LRP2: variants seen among roughly 807,000 people sequenced by gnomAD.
LRP2 encodes the protein LDL receptor related protein 2, also known as low-density lipoprotein receptor-related protein 2.
Under a neutral mutation model 531.0 loss-of-function variants are expected in LRP2, and 172 were observed. The observed-to-expected ratio is 0.32, with a 90% CI of 0.29 to 0.37. The LOEUF (loss-of-function observed/expected upper bound fraction) is 0.37. Among genes scored for constraint, LRP2 ranks in the 10% least tolerant of loss-of-function variants. LRP2 has a pLI of 1.00. For missense variants in LRP2, 5,167 were observed against 5,868.3 expected (o/e 0.88, Z 3.90); for synonymous variants, 1,992 against 2,027.6 (o/e 0.98, Z 0.47).
At chr2:169,180,165 C>A (rs1317006954) in intron 52 of LRP2, among the ~76,000 whole-genome samples, 1 of 152,152 alleles carries the variant, frequency 6.6e-6, no homozygotes, top group Non-Finnish European at 1.5e-5. Flanking sequence ...ACCCAAAGAA[C>A]AACAAATGTC....
chr2:169,246,487 T>A (rs569851712), intron 21 of LRP2, among the ~76,000 whole-genome samples: 5 of 152,162 alleles, frequency 3.3e-5, no homozygotes, highest in Non-Finnish European at 5.9e-5. Context: ...GGAAAAAAAT[T>A]GTTGAAGATA....
intron 3 of LRP2, among the ~76,000 whole-genome samples, chr2:169,313,348 A>G (rs1574247554): frequency 6.6e-6 from 1 of 151,792 alleles, no homozygotes; most frequent in South Asian, 2.1e-4. Context: ...GATTTTATCT[A>G]CCTTTGGTCT....
intron 76 of LRP2, among the ~76,000 whole-genome samples, chr2:169,136,619 T>TC (rs1471579804): frequency 4.5e-4 from 66 of 146,800 alleles, no homozygotes; most frequent in African/African-American, 1.3e-3. Flanking sequence ...GCTCAAAAAC[T>TC]CCCCCCCACT....
In LRP2 at chr2:169,282,948, G is replaced by A. The variant is rs865814749; in HGVS notation, c.1096C>T (p.Pro366Ser). 2.5e-6 allele frequency: 4 copies of A among 1,613,942 alleles called. No individual in the cohort carries two copies. Among genetic ancestry groups the A allele is most frequent in the Non-Finnish European group, 2.5e-6 (3 of 1,179,970 alleles). Residue 366 changes from proline (P) to serine (S), a missense_variant, in exon 10 of 79, where the codon CCT (proline) becomes TCT (serine). Coordinates refer to ENST00000649046, the MANE Select transcript of LRP2 (RefSeq NM_004525.3). ...TCACAGTGGCACAGGTGACGGCCAG[G>A]TCGGCTTTCACACTTCTGGTCACAA... ...GICDQKCESRPGRHLCHCEEG... is the reference protein window; with the variant it reads ...GICDQKCESRSGRHLCHCEEG...
At chr2:169,156,747 G>T (rs1686345984) in intron 64 of LRP2, among the ~76,000 whole-genome samples, 1 of 152,132 alleles carries the variant, frequency 6.6e-6, no homozygotes, top group Admixed American at 6.6e-5. Flanking sequence ...GTGTTGTATT[G>T]TTCGGTGTCT....
chr2:169,128,974 G>GA (rs1558966509), intron 78 of LRP2, 39 bp downstream of exon 78: 4 of 1,564,446 alleles, frequency 2.6e-6, no homozygotes, highest in Admixed American at 1.7e-5. Flanking sequence ...TAATTTCTAA[G>GA]AAAAAATGTC....
chr2:169,346,227 C>A (rs1403671115), intron 1 of LRP2, among the ~76,000 whole-genome samples: 1 of 152,202 alleles, frequency 6.6e-6, no homozygotes, highest in Admixed American at 6.5e-5. Flanking sequence ...CATGTTCTCT[C>A]GTCTGCACTG....
intron 1 of LRP2, among the ~76,000 whole-genome samples, chr2:169,361,794 T>C (rs1340742694): frequency 6.6e-6 from 1 of 152,122 alleles, no homozygotes; most frequent in Non-Finnish European, 1.5e-5. Flanking sequence ...AAATGATCTG[T>C]ATGGTGAGAG....
In LRP2 at chr2:169,156,278, A is replaced by T. The variant is rs1248982308; in HGVS notation, c.12147T>A (p.Ala4049=). ...CCCAACATGAACCCATCATACCCTC[A>T]GCTGCACATCGTTTTCCAGGGCGGT... ...MSDRPGKRCA[A]EGSSPLLLLP... is the part of the protein sequence containing the mutation. The change falls in exon 65 of 79, where the codon GCT becomes GCA. Residue 4049 remains alanine, a synonymous_variant. Coordinates refer to ENST00000649046, the MANE Select transcript of LRP2 (RefSeq NM_004525.3). The T allele has an allele frequency of 1.2e-5, 20 of 1,613,680 alleles. No individual in the cohort carries two copies. The highest frequency in any genetic ancestry group is 1.6e-5 in the Non-Finnish European group (19 of 1,179,644).
At chr2:169,357,768 A>C (rs1371703343) in intron 1 of LRP2, among the ~76,000 whole-genome samples, 2 of 152,210 alleles carry the variant, frequency 1.3e-5, no homozygotes, top group Non-Finnish European at 2.9e-5. Context: ...TTTAAATGAT[A>C]ATTTAAAATT....
At chr2:169,278,067 C>A in intron 12 of LRP2, 116 bp from the exon 13 acceptor site, 2 of 781,344 alleles carry the variant, frequency 2.6e-6, no homozygotes, top group Non-Finnish European at 2.1e-6. Flanking sequence ...TAGAGAACCA[C>A]AGTATAAAAC....
Position 169,228,584 on chromosome 2 carries a change from C to T in LRP2, c.5228-1996G>A, listed in dbSNP as rs371007259. 5.3e-5 allele frequency among the ~76,000 whole-genome samples: 8 copies of T among 152,136 alleles called. No homozygotes were observed. The South Asian group carries it at 1.7e-3, about 32-fold the overall frequency. ...GCCTAAAAACTTTGCATATCTCATC[C>T]ATTATGCATGGGCCTTCTTGACTCT... is the stretch of plus-strand genomic sequence containing the variant. On this transcript the variant is annotated intron_variant, in intron 31 of 78. Coordinates refer to ENST00000649046, the MANE Select transcript of LRP2 (RefSeq NM_004525.3).
rs542118462 is a variant in LRP2 at position 169,210,421 on chromosome 2, A to G, written c.6281-780T>C. 3.9e-5 allele frequency among the ~76,000 whole-genome samples: 6 copies of G among 152,396 alleles called. No individual in the cohort carries two copies. In the East Asian group the frequency reaches 1.2e-3, roughly 29 times the overall value. ...AAGCTGACATTATGTTCTTCCTAAT[A>G]AGATTCTGTATCAACTAACACAGCA... On this transcript the variant is annotated intron_variant, in intron 37 of 78. Coordinates refer to ENST00000649046, the MANE Select transcript of LRP2 (RefSeq NM_004525.3).
At chr2:169,348,233 C>A (rs1685747339) in intron 1 of LRP2, among the ~76,000 whole-genome samples, 1 of 152,204 alleles carries the variant, frequency 6.6e-6, no homozygotes, top group South Asian at 2.1e-4. Flanking sequence ...TTCCCAACTT[C>A]TCTACTCATC....
At chr2:169,350,683 C>T (rs534607840) in intron 1 of LRP2, among the ~76,000 whole-genome samples, 5 of 141,660 alleles carry the variant, frequency 3.5e-5, no homozygotes, top group African/African-American at 1.3e-4. Context: ...AAGATCACGC[C>T]TCTGCACTCC....
At chr2:169,325,735 T>C (rs1485483063) in intron 1 of LRP2, among the ~76,000 whole-genome samples, 2 of 152,144 alleles carry the variant, frequency 1.3e-5, no homozygotes, top group Non-Finnish European at 2.9e-5. Flanking sequence ...AGTCTCTTTC[T>C]GTGCAACATT....
chr2:169,272,219 T>C (rs752744102), intron 15 of LRP2, among the ~76,000 whole-genome samples: 9 of 151,980 alleles, frequency 5.9e-5, no homozygotes, highest in Non-Finnish European at 1.3e-4. Flanking sequence ...AAAACAAATA[T>C]TGTAGGAGTG....
In LRP2 at chr2:169,175,301, G is replaced by T; in HGVS notation, c.10660C>A (p.Arg3554=). ...TCACTGCACTGGAACTGTCCCAGTC[G>T]GCAGAAGCGCTGCGGGCAAAGGGCC... ...ELALCPQRFC[R]LGQFQCSDGN... The change falls in exon 55 of 79, where the codon CGA becomes AGA. Residue 3554 remains arginine (R), a synonymous_variant. Coordinates refer to ENST00000649046, the MANE Select transcript of LRP2 (RefSeq NM_004525.3). The T allele has an allele frequency of 2.5e-6, 4 of 1,614,184 alleles. No individual in the cohort carries two copies. The highest frequency in any genetic ancestry group is 3.4e-6 in the Non-Finnish European group (4 of 1,180,030).
intron 59 of LRP2, among the ~76,000 whole-genome samples, chr2:169,170,278 C>T (rs559143717): frequency 2.6e-5 from 4 of 152,242 alleles, no homozygotes; most frequent in African/African-American, 9.6e-5. Flanking sequence ...ACAAGGCTAA[C>T]GCAGATTAAA....
Sources: allele counts gnomAD v4.1 joint callset (sites outside exome capture counted in the v4.1 genomes callset), GRCh38; gene constraint gnomAD v4.1.1; transcripts MANE v1.5; gene names NCBI Gene and HGNC (gene_info 2026-07-23, HGNC 2026-07-21).